METTL6: variants seen among roughly 807,000 people sequenced by gnomAD.
The protein encoded by METTL6 is tRNA N(3)-cytidine methyltransferase METTL6.
A neutral mutation model predicts 26.4 loss-of-function variants in METTL6; 22 were observed. The ratio of observed to expected loss-of-function variants is 0.83; its 90% CI spans 0.59 to 1.19. The LOEUF (loss-of-function observed/expected upper bound fraction) is 1.19, where lower values mean the gene tolerates loss of function less well. METTL6 is among the 50% of genes most tolerant of loss of function. METTL6 has a pLI of 0.00. For missense variants in METTL6, 304 were observed against 324.8 expected, an observed-to-expected ratio of 0.94 and a Z score of 0.49; for synonymous variants, 109 against 116.2, an observed-to-expected ratio of 0.94 and a Z score of 0.40.
chr3:15,389,808 A>G (rs1035723845), intron 6 of METTL6, among the ~76,000 whole-genome samples: 61 of 150,212 alleles, frequency 4.1e-4, no homozygotes, highest in African/African-American at 1.5e-3. Flanking sequence ...TCGGCCTCCC[A>G]AAGTGCTGGG....
intron 6 of METTL6, among the ~76,000 whole-genome samples, chr3:15,403,300 A>C (rs953236093): frequency 1.4e-4 from 22 of 152,234 alleles, no homozygotes; most frequent in African/African-American, 4.8e-4. Context: ...ATTATTTCTA[A>C]TTAGAATTGA....
intron 6 of METTL6, among the ~76,000 whole-genome samples, chr3:15,386,258 G>A (rs1699189379): frequency 6.6e-6 from 1 of 152,166 alleles, no homozygotes; most frequent in Admixed American, 6.6e-5. Context: ...GCATGCTAAT[G>A]CATTATAGCT....
At chr3:15,398,452 C>T (rs974163703) in intron 6 of METTL6, among the ~76,000 whole-genome samples, 13 of 152,222 alleles carry the variant, frequency 8.5e-5, no homozygotes, top group East Asian at 1.9e-4. Context: ...TCTCAGCCTC[C>T]CAAAGTGCTG....
intron 4 of METTL6, chr3:15,414,971 A>T (rs987920526): frequency 1.4e-5 from 16 of 1,103,536 alleles, no homozygotes; most frequent in Non-Finnish European, 1.6e-5. Flanking sequence ...TGTTATCCTC[A>T]TTGAAGCACT....
chr3:15,416,070 A>G (rs1700193049), intron 3 of METTL6, 128 bp from the exon 4 acceptor site: 1 of 764,258 alleles, frequency 1.3e-6, no homozygotes, highest in Non-Finnish European at 2.1e-6. Flanking sequence ...TTACCAGATA[A>G]AACTGATTAA....
At chr3:15,398,982 G>A (rs1041251523) in intron 6 of METTL6, among the ~76,000 whole-genome samples, 1 of 152,206 alleles carries the variant, frequency 6.6e-6, no homozygotes, top group African/African-American at 2.4e-5. Flanking sequence ...TGGTAAAGAA[G>A]CTGGCCAAAA....
At chr3:15,382,013 G>A (rs1193038529) in exon 7 of METTL6, 6 of 151,056 alleles carry the variant, frequency 4.0e-5, no homozygotes, top group Non-Finnish European at 7.4e-5. Flanking sequence ...CCCTGCCCAT[G>A]TCCCTGGGAA....
At chr3:15,424,806 T>C (rs2061682079) in intron 3 of METTL6, 149 bp downstream of exon 3, 5 of 939,544 alleles carry the variant, frequency 5.3e-6, no homozygotes, top group South Asian at 4.6e-5. Flanking sequence ...GCACTGTATA[T>C]GTATGTAAGC....
chr3:15,398,895 G>T (rs978784067), intron 6 of METTL6, among the ~76,000 whole-genome samples: 7 of 152,100 alleles, frequency 4.6e-5, no homozygotes, highest in Admixed American at 1.3e-4. Context: ...TTCCCAGGAG[G>T]TTAGGTATTC....
rs145989016 is a variant in METTL6 at position 15,415,585 on chromosome 3, T to G, written c.531+187A>C. On this transcript the variant is annotated intron_variant, in intron 4 of 5. Transcript: ENST00000383790. The stretch of plus-strand genomic sequence containing the variant: ...AAGCTCTGAAGAGCAGCCATGGCAC[T>G]GCACAAATCAGAATTTAGGGTGGAT... 1.8e-4 allele frequency: 286 copies of G among 1,606,340 alleles called. 6 individuals are homozygous for G. The East Asian group carries it at 6.2e-3, about 35-fold the overall frequency.
intron 3 of METTL6, among the ~76,000 whole-genome samples, chr3:15,416,182 G>A (rs944374539): frequency 1.6e-4 from 25 of 152,162 alleles, no homozygotes; most frequent in African/African-American, 5.3e-4. Context: ...AGAGTATCAC[G>A]TACTCAAAAC....
At chr3:15,406,739 C>T (rs981463920), downstream of METTL6, among the ~76,000 whole-genome samples, 5 of 150,910 alleles carry the variant, frequency 3.3e-5, no homozygotes, top group Admixed American at 6.6e-5. Flanking sequence ...CGCCACCTCC[C>T]AGGTTCCTGC....
chr3:15,406,613 TATATATATATATATATAGAGAGAGAGAG>T (rs1699799873), downstream of METTL6, among the ~76,000 whole-genome samples: 3 of 66,088 alleles, frequency 4.5e-5, no homozygotes, highest in South Asian at 5.8e-4. Context: ...TATATATATA[TATATATATATATATATAGAGAGAGAGAG>T]AGAGAGAGAG....
chr3:15,381,359 T>C (rs1699080785), exon 7 of METTL6: 1 of 151,960 alleles, frequency 6.6e-6, no homozygotes. Context: ...CATTTTTAAG[T>C]CAATACAAAT....
At chr3:15,403,405 C>A (rs1699701352) in intron 6 of METTL6, among the ~76,000 whole-genome samples, 2 of 152,164 alleles carry the variant, frequency 1.3e-5, no homozygotes, top group South Asian at 4.1e-4. Flanking sequence ...ACATGTTTGG[C>A]AACATGCTCC....
In METTL6 at chr3:15,398,159, G is replaced by A. The variant is rs796424217; in HGVS notation, c.*11+13086C>T. On this transcript the variant is annotated intron_variant, in intron 6 of 6. Transcript: ENST00000443029. ...ACTCCATCTCCCACATGGCATGGCT[G>A]GCCTGGCGTCAGTTGAACTCTCCAC... Among the ~76,000 whole-genome samples the A allele has an allele frequency of 3.2e-4, 49 of 151,688 alleles. 1 individual carries two copies. Among genetic ancestry groups the A allele is most frequent in the African/African-American group, 1.2e-3 (48 of 41,324 alleles).
intron 5 of METTL6, 129 bp from the exon 6 acceptor site, chr3:15,411,566 T>G: frequency 2.2e-6 from 2 of 905,788 alleles, no homozygotes; most frequent in Non-Finnish European, 3.2e-6. Context: ...ATGCTAAAAT[T>G]TAAAGGTTTT....
At chr3:15,408,741 A>C (rs1367383229), downstream of METTL6, among the ~76,000 whole-genome samples, 1 of 151,588 alleles carries the variant, frequency 6.6e-6, no homozygotes, top group Non-Finnish European at 1.5e-5. Context: ...TACCTGGCTA[A>C]TTTTCTTATT....
chr3:15,427,585 C>A (rs528665241), upstream of METTL6: 6 of 584,218 alleles, frequency 1.0e-5, no homozygotes, highest in Non-Finnish European at 1.5e-5. Flanking sequence ...CACGGCCTTG[C>A]CTCCTCAGAT....
Sources: gnomAD v4.1 joint callset for allele counts (sites outside exome capture counted in the v4.1 genomes callset) on GRCh38, gnomAD v4.1.1 for gene constraint, MANE v1.5 for transcripts, NCBI Gene and HGNC (gene_info 2026-07-23, HGNC 2026-07-21) for gene names.